IQSEC1: variants seen among roughly 807,000 people sequenced by gnomAD.
IQSEC1 encodes IQ motif and SEC7 domain-containing protein 1.
Under a neutral mutation model 91.0 loss-of-function variants are expected in IQSEC1, and 31 were observed. The observed-to-expected ratio is 0.34, with a 90% CI of 0.26 to 0.46. The LOEUF is 0.46. Ranked by LOEUF, IQSEC1 falls within the 20% of genes least tolerant of loss-of-function variation. IQSEC1 has a pLI of 1.00. For missense variants in IQSEC1, 1,388 were observed against 1,575.6 expected, an observed-to-expected ratio of 0.88 and a Z score of 2.02; for synonymous variants, 699 against 662.6, an observed-to-expected ratio of 1.05 and a Z score of -0.84.
At chr3:13,077,172 A>G (rs150073638), upstream of IQSEC1, among the ~76,000 whole-genome samples, 1 of 152,132 alleles carries the variant, frequency 6.6e-6, no homozygotes, top group Admixed American at 6.5e-5. Flanking sequence ...GACTATAGGC[A>G]TGCACCACCA....
At chr3:13,144,761 G>A (rs1232283166) in intron 2 of IQSEC1, among the ~76,000 whole-genome samples, 6 of 152,236 alleles carry the variant, frequency 3.9e-5, no homozygotes, top group Non-Finnish European at 8.8e-5. Context: ...AGCACCTGGA[G>A]GCACGAAAAG....
intron 1 of IQSEC1, among the ~76,000 whole-genome samples, chr3:13,204,070 G>C (rs985863531): frequency 3.9e-5 from 6 of 152,186 alleles, no homozygotes; most frequent in Non-Finnish European, 7.3e-5. Context: ...GGGGCTGTCC[G>C]GCCTTCAGAA....
intron 2 of IQSEC1, among the ~76,000 whole-genome samples, chr3:13,083,837 C>G (rs1208844365): frequency 6.6e-6 from 1 of 152,268 alleles, no homozygotes; most frequent in Non-Finnish European, 1.5e-5. Flanking sequence ...GCACCTTGTG[C>G]GCAGCCTGGC....
chr3:13,225,992 TG>T (rs1694747062), intron 1 of IQSEC1, among the ~76,000 whole-genome samples: 1 of 152,152 alleles, frequency 6.6e-6, no homozygotes, highest in African/African-American at 2.4e-5. Context: ...TCAATTCTCC[TG>T]CCTTAGCCTC....
chr3:13,097,773 G>A (rs1705989934), intron 2 of IQSEC1, among the ~76,000 whole-genome samples: 1 of 152,234 alleles, frequency 6.6e-6, no homozygotes, highest in Non-Finnish European at 1.5e-5. Flanking sequence ...GCTTCTGGCT[G>A]CGCATTCAAC....
At chr3:13,158,530 G>C (rs1319521563) in intron 2 of IQSEC1, among the ~76,000 whole-genome samples, 1 of 152,178 alleles carries the variant, frequency 6.6e-6, no homozygotes, top group Non-Finnish European at 1.5e-5. Flanking sequence ...ACCGTCTCCA[G>C]AATCTCCCCC....
chr3:13,123,055 G>C (rs1055623518), intron 2 of IQSEC1, among the ~76,000 whole-genome samples: 1 of 152,186 alleles, frequency 6.6e-6, no homozygotes, highest in African/African-American at 2.4e-5. Flanking sequence ...AATGAAGACT[G>C]TTCAAAGCCC....
chr3:12,948,895 G>A (rs752630374), intron 1 of IQSEC1, among the ~76,000 whole-genome samples: 3 of 152,162 alleles, frequency 2.0e-5, no homozygotes, highest in Non-Finnish European at 4.4e-5. Flanking sequence ...AACTTCTTAC[G>A]GAGAGGGCAA....
chr3:13,228,668 G>C (rs1694796957), intron 1 of IQSEC1, among the ~76,000 whole-genome samples: 1 of 152,180 alleles, frequency 6.6e-6, no homozygotes, highest in Non-Finnish European at 1.5e-5. Context: ...ATCTGGCCCT[G>C]CTCACTTCCC....
intron 1 of IQSEC1, among the ~76,000 whole-genome samples, chr3:13,199,720 A>G (rs1360865317): frequency 6.6e-6 from 1 of 152,028 alleles, no homozygotes; most frequent in Admixed American, 6.5e-5. Context: ...CCACGAGGAC[A>G]CCCTGCCCCC....
intron 1 of IQSEC1, among the ~76,000 whole-genome samples, chr3:13,197,694 G>A (rs1446395650): frequency 6.6e-6 from 1 of 152,222 alleles, no homozygotes; most frequent in Non-Finnish European, 1.5e-5. Context: ...GTTCAGGGAG[G>A]TGCACAGGCC....
Position 13,254,144 on chromosome 3 carries a change from C to T in IQSEC1, c.272+28567G>A, listed in dbSNP as rs544317006. Among the ~76,000 whole-genome samples the T allele has an allele frequency of 1.6e-4, 24 of 152,378 alleles. No individual in the cohort carries two copies. In the East Asian group the frequency reaches 4.6e-3, roughly 29 times the overall value. ...ATCACAACGCTGCCCTCTGACCTCA[C>T]TTTGGCTTTATCCCTTTGTTTTCTG... On this transcript the variant is annotated intron_variant, in intron 1 of 15. Coordinates refer to the IQSEC1 transcript ENST00000648114.
intron 1 of IQSEC1, among the ~76,000 whole-genome samples, chr3:13,240,352 CAGAG>C (rs1264139001): frequency 6.6e-6 from 1 of 152,130 alleles, no homozygotes; most frequent in African/African-American, 2.4e-5. Flanking sequence ...GCCTGGGTGA[CAGAG>C]TGAGACCTTA....
At chr3:13,002,579 G>A (rs368561117) in intron 1 of IQSEC1, among the ~76,000 whole-genome samples, 2 of 148,274 alleles carry the variant, frequency 1.3e-5, no homozygotes, top group Non-Finnish European at 3.0e-5. Context: ...CTGAGAAACT[G>A]AGAAAATTAT....
At chr3:13,003,323 A>G (rs1230857039) in intron 1 of IQSEC1, among the ~76,000 whole-genome samples, 1 of 149,102 alleles carries the variant, frequency 6.7e-6, no homozygotes, top group Non-Finnish European at 1.5e-5. Flanking sequence ...GATACATTCT[A>G]TTCTATAACA....
Position 13,085,122 on chromosome 3 carries a change from A to G in IQSEC1, c.303-37600T>C, listed in dbSNP as rs914067063. ...TTATCGAACTCCCGCTTATTACGACATCTCCTCGGATGCCCCAAACAGCCA... is the reference window on the plus strand; with the variant it reads ...TTATCGAACTCCCGCTTATTACGACGTCTCCTCGGATGCCCCAAACAGCCA... On this transcript the variant is annotated intron_variant, in intron 2 of 15. Coordinates refer to the IQSEC1 transcript ENST00000648114. Among the ~76,000 whole-genome samples the G allele has an allele frequency of 5.9e-5, 9 of 152,268 alleles. No homozygotes were observed. The East Asian group carries it at 1.7e-3, about 29-fold the overall frequency.
rs527660674 is a variant in IQSEC1 at position 13,208,895 on chromosome 3, AC to A, written c.273-44763del. Among the ~76,000 whole-genome samples the A allele has an allele frequency of 6.1e-3, 924 of 152,316 alleles. 4 individuals are homozygous for A. Among genetic ancestry groups the A allele is most frequent in the African/African-American group, 0.021 (871 of 41,576 alleles). ...GGGGTTGCCCCGGGATGGGGAGGCC[AC>A]GTCTGAAGTCAGGGGTCAGCCCTGA... On this transcript the variant is annotated intron_variant, in intron 1 of 15. Coordinates refer to the IQSEC1 transcript ENST00000648114.
chr3:13,090,217 C>CAA (rs35754054), intron 2 of IQSEC1, among the ~76,000 whole-genome samples: 423 of 141,606 alleles, frequency 3.0e-3, no homozygotes, highest in East Asian at 4.6e-3. Context: ...GACTCTGTCT[C>CAA]AAAAAAAATA....
intron 1 of IQSEC1, among the ~76,000 whole-genome samples, chr3:13,270,584 G>T (rs1442764437): frequency 2.6e-5 from 4 of 152,154 alleles, no homozygotes; most frequent in Non-Finnish European, 5.9e-5. Context: ...TCTGGGTGAG[G>T]ATAAATTCAT....
Sources: allele counts gnomAD v4.1 joint callset (sites outside exome capture counted in the v4.1 genomes callset), GRCh38; gene constraint gnomAD v4.1.1; transcripts MANE v1.5; gene names NCBI Gene and HGNC (gene_info 2026-07-23, HGNC 2026-07-21).